The following ANO10 variants were observed in gnomAD, a reference collection of about 807,000 sequenced individuals.
The protein encoded by ANO10 is anoctamin-10.
A neutral mutation model predicts 74.7 loss-of-function variants in ANO10; 77 were observed. The observed-to-expected ratio is 1.03, with a 90% CI of 0.86 to 1.25. The LOEUF (loss-of-function observed/expected upper bound fraction) is 1.25. Ranked by LOEUF, ANO10 falls within the 50% of genes most tolerant of loss-of-function variation. The probability of loss-of-function intolerance (pLI) is 0.00; values close to 1 mark genes in which losing one functional copy is unlikely to be tolerated. For synonymous variants in ANO10, 279 were observed against 284.9 expected (o/e 0.98, Z 0.21); for missense variants, 721 against 778.1 (o/e 0.93, Z 0.87).
chr3:43,504,187 G>A (rs2077200119), intron 11 of ANO10, among the ~76,000 whole-genome samples: 1 of 152,070 alleles, frequency 6.6e-6, no homozygotes, highest in African/African-American at 2.4e-5. Flanking sequence ...AGAATCACTT[G>A]AACCCAGGAA....
At chr3:43,665,053 C>T (rs886515501) in intron 1 of ANO10, among the ~76,000 whole-genome samples, 1 of 152,156 alleles carries the variant, frequency 6.6e-6, no homozygotes, top group Non-Finnish European at 1.5e-5. Context: ...ACAAATCATT[C>T]TACGATAAAG....
intron 1 of ANO10, among the ~76,000 whole-genome samples, chr3:43,664,089 A>G (rs576068266): frequency 1.3e-5 from 2 of 152,340 alleles, no homozygotes; most frequent in Admixed American, 1.3e-4. Context: ...CCTGGGCAAG[A>G]AGAACAACGC....
At chr3:43,607,815 T>A (rs1350286690) in intron 1 of ANO10, among the ~76,000 whole-genome samples, 2 of 152,136 alleles carry the variant, frequency 1.3e-5, no homozygotes, top group Non-Finnish European at 2.9e-5. Flanking sequence ...TGAAAATTAT[T>A]TTTAATGGAA....
chr3:43,460,776 A>C (rs1403876075), intron 11 of ANO10, among the ~76,000 whole-genome samples: 1 of 152,216 alleles, frequency 6.6e-6, no homozygotes, highest in East Asian at 1.9e-4. Context: ...TGAGAACAGG[A>C]GAGAGGGTTT....
chr3:43,371,088 G>A (rs1377000223), intron 12 of ANO10, among the ~76,000 whole-genome samples: 1 of 152,100 alleles, frequency 6.6e-6, no homozygotes, highest in African/African-American at 2.4e-5. Flanking sequence ...AGCATTCAGG[G>A]AATCACTACC....
chr3:43,575,388 T>G (rs369128455), intron 6 of ANO10, among the ~76,000 whole-genome samples: 1 of 152,196 alleles, frequency 6.6e-6, no homozygotes, highest in African/African-American at 2.4e-5. Context: ...AGTGTCATCT[T>G]ACACATAGAG....
At chr3:43,609,653 T>C (rs191264359) in intron 1 of ANO10, among the ~76,000 whole-genome samples, 33 of 152,306 alleles carry the variant, frequency 2.2e-4, no homozygotes, top group Admixed American at 1.2e-3. Flanking sequence ...ACCTATTACA[T>C]ACCTAGGCTA....
intron 12 of ANO10, among the ~76,000 whole-genome samples, chr3:43,384,718 T>C (rs895097585): frequency 1.3e-5 from 2 of 152,216 alleles, no homozygotes; most frequent in African/African-American, 2.4e-5. Flanking sequence ...GTTAGCCACA[T>C]GTAGAAGAAT....
chr3:43,616,715 G>A (rs558414479), intron 1 of ANO10, among the ~76,000 whole-genome samples: 1 of 152,174 alleles, frequency 6.6e-6, no homozygotes, highest in East Asian at 1.9e-4. Flanking sequence ...CTCTACACTT[G>A]TGCCAGCCGT....
At chr3:43,543,158 CCTCT>C (rs1489696225) in intron 11 of ANO10, among the ~76,000 whole-genome samples, 2 of 152,116 alleles carry the variant, frequency 1.3e-5, no homozygotes, top group East Asian at 3.9e-4. Flanking sequence ...TCCTTCCCTC[CCTCT>C]CTCTTAGTTG....
chr3:43,564,012 G>A (rs1224144642), intron 8 of ANO10, among the ~76,000 whole-genome samples: 1 of 152,080 alleles, frequency 6.6e-6, no homozygotes, highest in Non-Finnish European at 1.5e-5. Context: ...AAATACTCGA[G>A]ATGATAGATA....
At chr3:43,614,246 A>T (rs561704449) in intron 1 of ANO10, among the ~76,000 whole-genome samples, 1 of 152,332 alleles carries the variant, frequency 6.6e-6, no homozygotes, top group East Asian at 1.9e-4. Flanking sequence ...AGACACTAAA[A>T]GCAGGTTTCC....
intron 4 of ANO10, among the ~76,000 whole-genome samples, chr3:43,594,990 C>T (rs1358395192): frequency 3.9e-5 from 6 of 152,086 alleles, no homozygotes; most frequent in Non-Finnish European, 7.4e-5. Context: ...AACAACTCTA[C>T]GCAAATAAAC....
chr3:43,633,834 A>G (rs140108216), intron 1 of ANO10, among the ~76,000 whole-genome samples: 3,637 of 152,034 alleles, frequency 0.024, 96 homozygotes, highest in Non-Finnish European at 0.034. Context: ...CTCAAGTCCC[A>G]TGGGAACATG....
At chr3:43,645,487 C>CAA (rs780440860) in intron 1 of ANO10, among the ~76,000 whole-genome samples, 46 of 68,772 alleles carry the variant, frequency 6.7e-4, no homozygotes, top group African/African-American at 1.4e-3. Context: ...GACTCCGTCT[C>CAA]AAAAAAAAAA....
At chr3:43,462,005 T>G (rs561058525) in intron 11 of ANO10, among the ~76,000 whole-genome samples, 28 of 152,266 alleles carry the variant, frequency 1.8e-4, no homozygotes, top group Admixed American at 9.8e-4. Context: ...CAATAAGGTC[T>G]AGGCTGAGGT....
chr3:43,449,685 A>G (rs2148992153), intron 11 of ANO10, among the ~76,000 whole-genome samples: 1 of 152,138 alleles, frequency 6.6e-6, no homozygotes, highest in Non-Finnish European at 1.5e-5. Flanking sequence ...CAATGTCTTC[A>G]TTACTGTAGC....
intron 1 of ANO10, among the ~76,000 whole-genome samples, chr3:43,614,801 A>ATATATATATATATATACG (rs61457264): frequency 1.0e-5 from 1 of 99,384 alleles, no homozygotes; most frequent in African/African-American, 3.2e-5. Flanking sequence ...ATATATATAT[A>ATATATATATATATATACG]TAGGTTCATT....
chr3:43,470,846 C>T (rs1000002808), intron 11 of ANO10, among the ~76,000 whole-genome samples: 4 of 151,992 alleles, frequency 2.6e-5, no homozygotes, highest in Non-Finnish European at 5.9e-5. Flanking sequence ...AGGCTAATCT[C>T]AAGCTCCTGA....
Sources: allele counts gnomAD v4.1 joint callset (sites outside exome capture counted in the v4.1 genomes callset), GRCh38; gene constraint gnomAD v4.1.1; transcripts MANE v1.5; gene names NCBI Gene and HGNC (gene_info 2026-07-23, HGNC 2026-07-21).